Variants in ATRX observed in about 807,000 individuals in gnomAD.
ATRX encodes chromatin remodeler ATRX.
A neutral mutation model predicts 172.6 loss-of-function variants in ATRX; 12 were observed. The observed-to-expected ratio is 0.07, with a 90% CI of 0.04 to 0.11. The LOEUF (loss-of-function observed/expected upper bound fraction) is 0.11. Ranked by LOEUF, ATRX falls within the 10% of genes least tolerant of loss-of-function variation. The pLI, the probability that ATRX is intolerant of heterozygous loss-of-function variation, is 1.00. For synonymous variants in ATRX, 674 were observed against 594.7 expected (o/e 1.13, Z -1.94); for missense variants, 1,368 against 1,767.4 (o/e 0.77, Z 4.05).
chrX:77,608,903 TAAC>T (rs2067034974), intron 22 of ATRX, among the ~76,000 whole-genome samples: 3 of 112,120 alleles, frequency 2.7e-5, no homozygotes, highest in African/African-American at 9.7e-5. Flanking sequence ...AAAAAAATTC[TAAC>T]AACCTAATTA....
chrX:77,750,499 C>A (rs1168913033), intron 1 of ATRX, among the ~76,000 whole-genome samples: 1 of 110,943 alleles, frequency 9.0e-6, no homozygotes, highest in Non-Finnish European at 1.9e-5. Flanking sequence ...ATTTTATTAA[C>A]GCGCATAGTA....
chrX:77,758,690 G>A (rs1418202665), intron 1 of ATRX, among the ~76,000 whole-genome samples: 3 of 110,466 alleles, frequency 2.7e-5, no homozygotes, highest in African/African-American at 9.9e-5. Flanking sequence ...CCCAGGAGGC[G>A]GAGGTTGCAG....
chrX:77,772,018 G>A (rs2076166119), intron 1 of ATRX, among the ~76,000 whole-genome samples: 1 of 111,974 alleles, frequency 8.9e-6, no homozygotes, highest in African/African-American at 3.3e-5. Flanking sequence ...TTATCAGCCA[G>A]GCATGGTGGC....
At position 77,703,502 on chromosome X, in the gene ATRX, C is replaced by T. The variant is rs1489460330; in HGVS notation, c.134-4873G>A. Among the ~76,000 whole-genome samples the T allele has an allele frequency of 8.9e-5, 10 of 112,542 alleles. No individual in the cohort carries two copies. In the East Asian group the frequency reaches 2.5e-3, roughly 29 times the overall value. On this transcript the variant is annotated intron_variant, in intron 2 of 34. Transcript: ENST00000373344. Reference sequence around the variant, plus strand: ...CATCCACAGCTGGCACCAGGGAACACGGTGGCACCCAGAAGTTTGGAGACA... The same window carrying T: ...CATCCACAGCTGGCACCAGGGAACATGGTGGCACCCAGAAGTTTGGAGACA...
chrX:77,688,051 C>T (rs2071679211), intron 7 of ATRX, among the ~76,000 whole-genome samples: 1 of 111,077 alleles, frequency 9.0e-6, no homozygotes, highest in Admixed American at 9.6e-5. Flanking sequence ...GATTCTCCTG[C>T]CTCAGTCTCC....
In ATRX at chrX:77,516,474, T is replaced by C. The variant is rs2063058376; in HGVS notation, c.7200+4314A>G. Among the ~76,000 whole-genome samples, 8 of 111,249 alleles carry C rather than the reference T, an allele frequency of 7.2e-5. No individual in the cohort carries two copies. The Admixed American group carries it at 7.6e-4, about 11-fold the overall frequency. On this transcript the variant is annotated intron_variant, in intron 34 of 34. Transcript: ENST00000373344. ...CCAAAACAGATTTCAAGACAAAAAA[T>C]ATAAAAAGAGACAACGATGGTCATT...
At chrX:77,685,149 T>C in intron 7 of ATRX, 143 bp from the exon 8 acceptor site, 1 of 480,298 alleles carries the variant, frequency 2.1e-6, no homozygotes, top group Admixed American at 3.7e-5. Flanking sequence ...ATTGAGCATA[T>C]TACACAAGCT....
chrX:77,659,984 C>T (rs1174460774), intron 12 of ATRX, among the ~76,000 whole-genome samples: 1 of 111,687 alleles, frequency 9.0e-6, no homozygotes, highest in African/African-American at 3.3e-5. Context: ...TTACTCTCTC[C>T]TACACAAACA....
chrX:77,766,731 T>C (rs1484491232), intron 1 of ATRX, among the ~76,000 whole-genome samples: 2 of 94,206 alleles, frequency 2.1e-5, no homozygotes, highest in Non-Finnish European at 4.2e-5. Context: ...CTCCTCACTT[T>C]CCAGACTGGG....
chrX:77,668,384 T>C (rs2070371577), intron 10 of ATRX, among the ~76,000 whole-genome samples: 1 of 111,948 alleles, frequency 8.9e-6, no homozygotes, highest in Admixed American at 9.5e-5. Flanking sequence ...TGATCCCTAG[T>C]TGATTCTGTT....
intron 1 of ATRX, among the ~76,000 whole-genome samples, chrX:77,780,491 G>A (rs782537605): frequency 9.2e-6 from 1 of 109,133 alleles, no homozygotes; most frequent in East Asian, 3.0e-4. Flanking sequence ...ACACCGAGAT[G>A]ATTTTTTTTT....
At chrX:77,615,190 G>A (rs958167484) in intron 22 of ATRX, among the ~76,000 whole-genome samples, 6 of 110,618 alleles carry the variant, frequency 5.4e-5, no homozygotes, top group Non-Finnish European at 1.1e-4. Context: ...GTGGAGATAA[G>A]GTTTCACTAT....
intron 1 of ATRX, among the ~76,000 whole-genome samples, chrX:77,757,082 GACCTATATCTTTTGATATAT>G (rs72159997): frequency 0.057 from 6,395 of 111,259 alleles, 496 homozygotes; most frequent in African/African-American, 0.2. Flanking sequence ...CACTGCACCC[GACCTATATCTTTTGATATAT>G]ACATCATATC....
Position 77,634,711 on chromosome X carries a change from T to G in ATRX, c.4700-8A>C. ...CCCACATAAACTGAACACCTAAAAA[T>G]AACAGCTTCATTAAGTTAAATTTAA... On this transcript the variant is annotated splice_polypyrimidine_tract_variant and splice_region_variant and intron_variant, in intron 16 of 34. Transcript: ENST00000373344. The G allele has an allele frequency of 8.4e-7, 1 of 1,190,617 alleles. No individual in the cohort carries two copies. Among genetic ancestry groups the G allele is most frequent in the Non-Finnish European group, 1.1e-6 (1 of 876,652 alleles).
chrX:77,719,479 A>G (rs1055616234), intron 1 of ATRX, among the ~76,000 whole-genome samples: 36 of 111,388 alleles, frequency 3.2e-4, no homozygotes, highest in Non-Finnish European at 5.7e-4. Flanking sequence ...AAATAAAGGG[A>G]TGGAGAAACA....
At chrX:77,627,151 T>C (rs1487447635) in intron 19 of ATRX, among the ~76,000 whole-genome samples, 1 of 111,188 alleles carries the variant, frequency 9.0e-6, no homozygotes, top group Non-Finnish European at 1.9e-5. Context: ...GAGAATGGCG[T>C]GAACCCGGGA....
intron 25 of ATRX, chrX:77,594,547 A>G (rs2066404093): frequency 8.9e-6 from 1 of 112,313 alleles, no homozygotes; most frequent in Non-Finnish European, 1.9e-5. Flanking sequence ...TTTTTAATGC[A>G]AAGTATTTTA....
chrX:77,532,439 C>T lies in ATRX; in HGVS notation c.6700-9038G>A, dbSNP rs1394362788. Among the ~76,000 whole-genome samples, 16 of 111,188 alleles carry T rather than the reference C, an allele frequency of 1.4e-4. No homozygotes were observed. The Admixed American group carries it at 1.4e-3, about 10-fold the overall frequency. On this transcript the variant is annotated intron_variant, in intron 30 of 34. Transcript: ENST00000373344. ...AGCATGGTACTGGTACAAAAACAGA[C>T]ACATCGACCAATGGAATGGAATAGA...
At chrX:77,698,725 A>G (rs1272697289) in intron 2 of ATRX, 96 bp from the exon 3 acceptor site, 1 of 683,252 alleles carries the variant, frequency 1.5e-6, no homozygotes. Context: ...TTCTCACACT[A>G]TGAAGTCTGG....
Sources: gnomAD v4.1 joint callset for allele counts (sites outside exome capture counted in the v4.1 genomes callset) on GRCh38, gnomAD v4.1.1 for gene constraint, MANE v1.5 for transcripts, NCBI Gene and HGNC (gene_info 2026-07-23, HGNC 2026-07-21) for gene names.